The following PTPRQ variants were observed in gnomAD, a reference collection of about 807,000 sequenced individuals.
The protein encoded by PTPRQ is phosphatidylinositol phosphatase PTPRQ.
PTPRQ carries 199 observed loss-of-function variants against 246.0 expected under a neutral mutation model. The observed-to-expected ratio is 0.81, with a 90% CI of 0.72 to 0.91. PTPRQ has a LOEUF of 0.91. Among genes scored for constraint, PTPRQ ranks in the 40% least tolerant of loss-of-function variants. The pLI, the probability that PTPRQ is intolerant of heterozygous loss-of-function variation, is 0.00. For synonymous variants in PTPRQ, 869 were observed against 853.2 expected (o/e 1.02, Z -0.32); for missense variants, 2,624 against 2,528.4 (o/e 1.04, Z -0.81).
At chr12:80,616,396 A>G in intron 30 of PTPRQ, 130 bp downstream of exon 30, 1 of 765,364 alleles carries the variant, frequency 1.3e-6, no homozygotes, top group East Asian at 4.2e-5. Context: ...CATACTAAGT[A>G]AAAATGTGTG....
chr12:80,635,060 G>A lies in PTPRQ; in HGVS notation c.5902G>A (p.Glu1968Lys), dbSNP rs61696072. The A allele has an allele frequency of 5.4e-4, 830 of 1,550,904 alleles. 4 individuals carry two copies. In the African/African-American group the frequency reaches 9.9e-3, roughly 19 times the overall value. ...ITVADLELKDERLTRLLSYRK... is the reference protein window; with the variant it reads ...ITVADLELKDKRLTRLLSYRK... The stretch of plus-strand genomic sequence containing the variant: ...AGTGGCAGACCTGGAACTGAAGGAC[G>A]AGAGATTAACGCGGTGAGCACACTC... The change falls in exon 35 of 45, where the codon GAG (glutamate) becomes AAG (lysine). Residue 1968 changes from glutamate (E) to lysine (K), a missense_variant. By Grantham distance (56) the Glu-to-Lys change is moderately conservative. Transcript: ENST00000644991.
At chr12:80,444,560 A>G (rs1892493584) in intron 1 of PTPRQ, among the ~76,000 whole-genome samples, 161 bp downstream of exon 1, 1 of 147,528 alleles carries the variant, frequency 6.8e-6, no homozygotes, top group Admixed American at 6.6e-5. Flanking sequence ...TTTTAAAGTC[A>G]TTTGGTAAAA....
intron 26 of PTPRQ, among the ~76,000 whole-genome samples, 170 bp downstream of exon 26, chr12:80,588,622 T>C (rs1359748437): frequency 3.3e-5 from 5 of 152,214 alleles, no homozygotes; most frequent in Non-Finnish European, 7.3e-5. Flanking sequence ...TGAAACCCAA[T>C]GAGAAATTCA....
chr12:80,610,557 G>A lies in PTPRQ; in HGVS notation c.4850G>A (p.Gly1617Glu). The change falls in exon 28 of 45, where the codon GGG becomes GAG. Residue 1617 changes from glycine (G) to glutamate (E), a missense_variant. Gly to Glu is a moderately conservative substitution (Grantham distance 98, BLOSUM62 -2). Coordinates refer to ENST00000644991, the MANE Select transcript of PTPRQ (RefSeq NM_001145026.2). ...RYSVVITAFTGNISAAYVEGK... is the reference protein window; with the variant it reads ...RYSVVITAFTENISAAYVEGK... ...TCTGTAGTGATCACTGCATTTACTGGGAACATTAGTGCTGCATATGTAGAA... is the reference window on the plus strand; with the variant it reads ...TCTGTAGTGATCACTGCATTTACTGAGAACATTAGTGCTGCATATGTAGAA... 3.9e-6 allele frequency: 6 copies of A among 1,543,458 alleles called. No individual in the cohort carries two copies. The highest frequency in any genetic ancestry group is 5.3e-6 in the Non-Finnish European group (6 of 1,141,374).
chr12:80,482,594 C>A (rs1162274537), intron 8 of PTPRQ, among the ~76,000 whole-genome samples: 1 of 150,328 alleles, frequency 6.7e-6, no homozygotes, highest in Non-Finnish European at 1.5e-5. Flanking sequence ...AGGCAACCTA[C>A]AAAATGGGAG....
At position 80,669,417 on chromosome 12, in the gene PTPRQ, G is replaced by C. The variant is rs367856096; in HGVS notation, c.6406G>C (p.Glu2136Gln). ...AGATATAGTGATTACAAAGCTAATG[G>C]AGGATGTTCAAATAGATTGGACTAT... Reference protein sequence around the residue: ...FGDIVITKLMEDVQIDWTIRD... With the variant: ...FGDIVITKLMQDVQIDWTIRD... The change falls in exon 41 of 45, where the codon GAG (glutamate) becomes CAG (glutamine). Residue 2136 changes from glutamate to glutamine, a missense_variant. Transcript: ENST00000644991. 1 of 1,549,624 alleles carries C rather than the reference G, an allele frequency of 6.5e-7. No homozygotes were observed. Among genetic ancestry groups the C allele is most frequent in the South Asian group, 1.2e-5 (1 of 83,884 alleles).
intron 17 of PTPRQ, among the ~76,000 whole-genome samples, chr12:80,523,171 C>T (rs1895561166): frequency 6.6e-6 from 1 of 152,190 alleles, no homozygotes; most frequent in African/African-American, 2.4e-5. Flanking sequence ...ATAGTGTTCT[C>T]TCATGGTAGT....
rs1893534317 is a variant in PTPRQ at position 80,468,893 on chromosome 12, T to C, written c.1039+55T>C. On this transcript the variant is annotated intron_variant, in intron 7 of 44. Transcript: ENST00000644991. ...TTTGGAGTGAGAATAATAAAATATG[T>C]TACCAATATCAAACTCTGTTTAAAA... is the stretch of plus-strand genomic sequence containing the variant. 3 of 1,521,552 alleles carry C rather than the reference T, an allele frequency of 2.0e-6. No individual in the cohort carries two copies. The South Asian group carries it at 3.9e-5, about 20-fold the overall frequency. The allele number at this position is 1,521,552 out of a possible 1,614,324, so 94.3% of individuals were successfully genotyped here. A position where few individuals can be genotyped will look rare whatever the true frequency, so the allele number is the denominator to read the frequency against.
chr12:80,446,449 T>G (rs981131756), intron 3 of PTPRQ, among the ~76,000 whole-genome samples: 2 of 151,904 alleles, frequency 1.3e-5, no homozygotes, highest in African/African-American at 2.4e-5. Context: ...TTTAAATTAT[T>G]TTTGATTCAG....
Position 80,532,971 on chromosome 12 carries a change from G to T in PTPRQ, c.2679-1044G>T, listed in dbSNP as rs571343911. Among the ~76,000 whole-genome samples the T allele has an allele frequency of 1.4e-4, 21 of 152,118 alleles. No individual in the cohort carries two copies. The South Asian group carries it at 4.2e-3, about 30-fold the overall frequency. On this transcript the variant is annotated intron_variant, in intron 17 of 44. Coordinates refer to ENST00000644991, the MANE Select transcript of PTPRQ (RefSeq NM_001145026.2). The stretch of plus-strand genomic sequence containing the variant: ...TTATTATTCCTCCTAATGATTCAAG[G>T]CTTCAAATATTTCAATGGTAAAGAA...
At chr12:80,457,276 C>G (rs965990903) in intron 3 of PTPRQ, among the ~76,000 whole-genome samples, 10 of 152,164 alleles carry the variant, frequency 6.6e-5, no homozygotes, top group Middle Eastern at 3.4e-3. Context: ...CAGAGAAAGA[C>G]TGAGCTTTCA....
Position 80,632,198 on chromosome 12 carries a change from G to C in PTPRQ, c.5693G>C (p.Gly1898Ala). 1 of 1,550,594 alleles carries C rather than the reference G, an allele frequency of 6.4e-7. No homozygotes were observed. The highest frequency in any genetic ancestry group is 8.7e-7 in the Non-Finnish European group (1 of 1,146,530). The change falls in exon 34 of 45, where the codon GGA (glycine) becomes GCA (alanine). Residue 1898 changes from glycine to alanine, a missense_variant. Gly to Ala is a moderately conservative substitution (Grantham distance 60). Coordinates refer to ENST00000644991, the MANE Select transcript of PTPRQ (RefSeq NM_001145026.2). ...YSDPVKTLGE[G>A]LSERTVEIIL... ...TGTTATCCCTCTTCTCCAGGGGAAG[G>C]ACTTTCAGAAAGAACCGTAGAGATC...
chr12:80,589,943 G>T (rs1370518580), intron 26 of PTPRQ, among the ~76,000 whole-genome samples: 1 of 152,162 alleles, frequency 6.6e-6, no homozygotes, highest in African/African-American at 2.4e-5. Flanking sequence ...ACCCCAAGGA[G>T]ATTTTACCTT....
intron 39 of PTPRQ, among the ~76,000 whole-genome samples, chr12:80,661,164 A>G (rs1314785268): frequency 6.6e-6 from 1 of 151,708 alleles, no homozygotes; most frequent in African/African-American, 2.4e-5. Flanking sequence ...GGGGATATTA[A>G]GATGAAGAAT....
Position 80,613,688 on chromosome 12 carries a change from G to A in PTPRQ, c.5015G>A (p.Gly1672Glu). The A allele has an allele frequency of 6.5e-7, 1 of 1,545,826 alleles. No homozygotes were observed. The highest frequency in any genetic ancestry group is 8.7e-7 in the Non-Finnish European group (1 of 1,143,146). ...TTCCTTCCTCCTTCTCAACCTAATG[G>A]AAATATCCAAGTATATCAAGCTCTG... ...LTFLPPSQPN[G>E]NIQVYQALVY... The change falls in exon 29 of 45, where the codon GGA (glycine) becomes GAA (glutamate). Residue 1672 changes from glycine to glutamate, a missense_variant. Transcript: ENST00000644991.
At position 80,679,305 on chromosome 12, in the gene PTPRQ, T is replaced by C. The variant is rs1201141650; in HGVS notation, c.*282T>C. On this transcript the variant is annotated 3_prime_UTR_variant, in exon 45 of 45. Transcript: ENST00000644991. ...CCTCCATATTTTGGAATAAGCCAAA[T>C]AGAAAATTATTATTATATTAGCATT... 21 of 255,246 alleles carry C rather than the reference T, an allele frequency of 8.2e-5. No individual in the cohort carries two copies. Among genetic ancestry groups the C allele is most frequent in the Non-Finnish European group, 1.5e-5 (2 of 136,138 alleles). 15.8% of individuals were successfully genotyped at this position (255,246 alleles called of 1,614,324 possible).
chr12:80,566,930 A>G (rs1008401466), intron 25 of PTPRQ, among the ~76,000 whole-genome samples: 6 of 152,318 alleles, frequency 3.9e-5, no homozygotes, highest in Admixed American at 3.3e-4. Flanking sequence ...GAGGTCTAGC[A>G]TTTTTAAACT....
intron 8 of PTPRQ, among the ~76,000 whole-genome samples, chr12:80,476,781 G>T (rs1286148540): frequency 2.6e-5 from 4 of 152,166 alleles, no homozygotes; most frequent in Non-Finnish European, 1.5e-5. Flanking sequence ...TTAACTGAAA[G>T]TGTAACAACA....
intron 25 of PTPRQ, among the ~76,000 whole-genome samples, chr12:80,567,610 C>A (rs1897017736): frequency 6.6e-6 from 1 of 152,164 alleles, no homozygotes; most frequent in Admixed American, 6.5e-5. Context: ...TTCAACATAA[C>A]TGTTGCTACA....
Sources: gnomAD v4.1 joint callset for allele counts (sites outside exome capture counted in the v4.1 genomes callset) on GRCh38, gnomAD v4.1.1 for gene constraint, MANE v1.5 for transcripts, NCBI Gene and HGNC (gene_info 2026-07-23, HGNC 2026-07-21) for gene names.